RBFOX1: variants seen among roughly 807,000 people sequenced by gnomAD.
RBFOX1 encodes RNA binding fox-1 homolog 1, also known as RNA binding protein fox-1 homolog 1.
Under a neutral mutation model 57.7 loss-of-function variants are expected in RBFOX1, and 8 were observed. The observed-to-expected ratio is 0.14, with a 90% CI of 0.08 to 0.25. RBFOX1 has a LOEUF of 0.25. Ranked by LOEUF, RBFOX1 falls within the 10% of genes least tolerant of loss-of-function variation. The pLI, the probability that RBFOX1 is intolerant of heterozygous loss-of-function variation, is 1.00. For synonymous variants in RBFOX1, 326 were observed against 222.4 expected (o/e 1.47, Z -4.15); for missense variants, 611 against 548.5 (o/e 1.11, Z -1.14).
chr16:5,325,552 C>A lies in RBFOX1; in HGVS notation c.219+85447C>A, dbSNP rs9929041. Among the ~76,000 whole-genome samples, 529 of 152,274 alleles carry A rather than the reference C, an allele frequency of 3.5e-3. 2 individuals are homozygous for A. The highest frequency in any genetic ancestry group is 0.011 in the African/African-American group (461 of 41,548). On this transcript the variant is annotated intron_variant, in intron 1 of 2. Coordinates refer to the RBFOX1 transcript ENST00000585867. ...ACTATAGTCAGGGTAAAGAACAGCT[C>A]CATCCACCCCCAAACACTACCCTGT...
chr16:6,368,405 A>G, intron 2 of RBFOX1, among the ~76,000 whole-genome samples: 1 of 152,202 alleles, frequency 6.6e-6, no homozygotes, highest in Non-Finnish European at 1.5e-5. Flanking sequence ...TGCCACACAT[A>G]AAAAATGCTG....
At chr16:5,710,441 G>A (rs528103988) in intron 3 of RBFOX1, among the ~76,000 whole-genome samples, 6 of 152,286 alleles carry the variant, frequency 3.9e-5, no homozygotes, top group African/African-American at 1.4e-4. Flanking sequence ...CAAGAGGAGG[G>A]GAAGAGACTT....
intron 4 of RBFOX1, among the ~76,000 whole-genome samples, chr16:7,097,260 C>T (rs781086396): frequency 5.9e-5 from 9 of 152,026 alleles, no homozygotes; most frequent in Non-Finnish European, 1.0e-4. Context: ...GTTAGAAGGC[C>T]ATTGTGTACG....
intron 3 of RBFOX1, among the ~76,000 whole-genome samples, chr16:5,767,110 A>G (rs1010419006): frequency 6.6e-5 from 10 of 152,214 alleles, no homozygotes; most frequent in African/African-American, 2.4e-4. Context: ...GCACACCCAA[A>G]GTGTTCCCTC....
At chr16:7,287,277 G>A (rs546288105) in intron 4 of RBFOX1, among the ~76,000 whole-genome samples, 2 of 152,156 alleles carry the variant, frequency 1.3e-5, no homozygotes, top group African/African-American at 4.8e-5. Context: ...AGGTTTTCCC[G>A]ACAAAGATGC....
At chr16:5,666,197 G>T (rs2151402514) in intron 3 of RBFOX1, among the ~76,000 whole-genome samples, 1 of 152,352 alleles carries the variant, frequency 6.6e-6, no homozygotes, top group South Asian at 2.1e-4. Context: ...GGAAGGAAAG[G>T]GAGGGCAGTT....
chr16:6,432,868 C>T (rs1470164038), intron 2 of RBFOX1, among the ~76,000 whole-genome samples: 1 of 152,108 alleles, frequency 6.6e-6, no homozygotes, highest in Non-Finnish European at 1.5e-5. Flanking sequence ...ATCCCAGCTA[C>T]TGAGGAGGCT....
chr16:6,099,643 C>G (rs1446055531), intron 1 of RBFOX1, among the ~76,000 whole-genome samples: 1 of 152,124 alleles, frequency 6.6e-6, no homozygotes, highest in Non-Finnish European at 1.5e-5. Flanking sequence ...CTGAAGTATT[C>G]ACTTTAGCAT....
At chr16:7,281,063 CACA>C (rs2095534463) in intron 4 of RBFOX1, among the ~76,000 whole-genome samples, 1 of 147,424 alleles carries the variant, frequency 6.8e-6, no homozygotes, top group Non-Finnish European at 1.5e-5. Flanking sequence ...AGTGCAGTGG[CACA>C]GTCTTGGCTC....
intron 3 of RBFOX1, among the ~76,000 whole-genome samples, chr16:5,791,482 G>A (rs1451591145): frequency 6.6e-6 from 1 of 152,114 alleles, no homozygotes; most frequent in East Asian, 1.9e-4. Context: ...GGAGGGCTGG[G>A]TAATGGTCTA....
chr16:6,190,404 C>T (rs1470041190), intron 1 of RBFOX1, among the ~76,000 whole-genome samples: 1 of 152,100 alleles, frequency 6.6e-6, no homozygotes, highest in African/African-American at 2.4e-5. Flanking sequence ...GGTCCTACAG[C>T]CTATGTTTGA....
intron 3 of RBFOX1, among the ~76,000 whole-genome samples, chr16:6,665,690 C>T (rs1203614423): frequency 6.7e-6 from 1 of 149,816 alleles, no homozygotes; most frequent in African/African-American, 2.5e-5. Flanking sequence ...ATTTTTTTTC[C>T]AGAAAGGAAA....
At chr16:6,559,111 ATGTGTGTGTGTG>A (rs34909448) in intron 2 of RBFOX1, among the ~76,000 whole-genome samples, 1 of 149,808 alleles carries the variant, frequency 6.7e-6, no homozygotes, top group Non-Finnish European at 1.5e-5. Context: ...ATATATACAT[ATGTGTGTGTGTG>A]TGTGTGTGTG....
chr16:5,245,052 C>T (rs1308618874), intron 1 of RBFOX1, among the ~76,000 whole-genome samples: 1 of 152,152 alleles, frequency 6.6e-6, no homozygotes, highest in Non-Finnish European at 1.5e-5. Context: ...CTTTTAATTT[C>T]ATTAAGGTGG....
At chr16:7,374,236 G>A (rs571851286) in intron 4 of RBFOX1, among the ~76,000 whole-genome samples, 17 of 152,286 alleles carry the variant, frequency 1.1e-4, no homozygotes, top group East Asian at 3.9e-4. Context: ...TTACCATCCC[G>A]TGGAATCACA....
chr16:6,666,333 A>G (rs140900779), intron 3 of RBFOX1, among the ~76,000 whole-genome samples: 1,913 of 152,204 alleles, frequency 0.013, 20 homozygotes, highest in Non-Finnish European at 0.019. Flanking sequence ...CAGGAGTTTG[A>G]AACCAGCCTG....
intron 4 of RBFOX1, among the ~76,000 whole-genome samples, chr16:7,371,336 C>G (rs752163120): frequency 6.6e-6 from 1 of 152,092 alleles, no homozygotes; most frequent in African/African-American, 2.4e-5. Flanking sequence ...ATTAATAATT[C>G]AAATGATGCT....
At chr16:6,704,831 T>G (rs193134909) in intron 3 of RBFOX1, 1 of 152,244 alleles carries the variant, frequency 6.6e-6, no homozygotes, top group Non-Finnish European at 1.5e-5. Flanking sequence ...CTCTTTGTGC[T>G]TTCCATCATC....
chr16:7,687,621 A>C (rs1460144444), intron 14 of RBFOX1, among the ~76,000 whole-genome samples: 2 of 147,504 alleles, frequency 1.4e-5, no homozygotes, highest in South Asian at 2.1e-4. Flanking sequence ...CAATTTTAAC[A>C]ACAAGAATAA....
Sources: allele counts gnomAD v4.1 joint callset (sites outside exome capture counted in the v4.1 genomes callset), GRCh38; gene constraint gnomAD v4.1.1; transcripts MANE v1.5; gene names NCBI Gene and HGNC (gene_info 2026-07-23, HGNC 2026-07-21).